Variants in PBX1 observed in about 807,000 individuals in gnomAD.
The protein encoded by PBX1 is pre-B-cell leukemia transcription factor 1.
PBX1 carries 6 observed loss-of-function variants against 53.4 expected under a neutral mutation model. That is an observed-to-expected ratio of 0.11 (90% CI 0.06 to 0.22). The LOEUF (loss-of-function observed/expected upper bound fraction) is 0.22, where lower values mean the gene tolerates loss of function less well. Among genes scored for constraint, PBX1 ranks in the 10% least tolerant of loss-of-function variants. The pLI is 1.00. For missense variants in PBX1, 251 were observed against 551.4 expected (o/e 0.46, Z 5.46); for synonymous variants, 204 against 212.3 (o/e 0.96, Z 0.34).
intron 2 of PBX1, among the ~76,000 whole-genome samples, chr1:164,689,708 G>A (rs1479128448): frequency 6.6e-6 from 1 of 152,280 alleles, no homozygotes; most frequent in South Asian, 2.1e-4. Context: ...GATGGCCAAC[G>A]ATCTGCTGAC....
intron 2 of PBX1, among the ~76,000 whole-genome samples, chr1:164,650,737 T>C (rs532809029): frequency 2.4e-4 from 37 of 152,208 alleles, no homozygotes; most frequent in African/African-American, 8.7e-4. Context: ...TTGCACAGTG[T>C]GGATGTAGCT....
At chr1:164,873,869 GC>G (rs1397329219) in intron 2 of PBX1, among the ~76,000 whole-genome samples, 3 of 151,964 alleles carry the variant, frequency 2.0e-5, no homozygotes, top group African/African-American at 4.8e-5. Flanking sequence ...TTATACATAA[GC>G]CTTACAATAA....
At chr1:164,860,243 T>G (rs998940607) in intron 2 of PBX1, among the ~76,000 whole-genome samples, 9 of 152,200 alleles carry the variant, frequency 5.9e-5, no homozygotes, top group African/African-American at 2.2e-4. Context: ...TTCCAAACAA[T>G]TCAATCAATA....
rs534826682 is a variant in PBX1, at chr1:164,863,772, CAG to C, written n.257+32296_257+32297del. ...CGGATACCAGTACCTGAATACAGAT[CAG>C]AGAGAGCAAGGAATGGTCCCCAAGG... On this transcript the variant is annotated intron_variant and non_coding_transcript_variant, in intron 2 of 2. Coordinates refer to the PBX1 transcript ENST00000558796. Among the ~76,000 whole-genome samples, 25 of 152,160 alleles carry C rather than the reference CAG, an allele frequency of 1.6e-4. No individual in the cohort carries two copies. In the East Asian group the frequency reaches 2.7e-3, roughly 17 times the overall value.
At chr1:164,659,573 G>A (rs958001636) in intron 2 of PBX1, among the ~76,000 whole-genome samples, 9 of 152,228 alleles carry the variant, frequency 5.9e-5, no homozygotes, top group African/African-American at 1.9e-4. Context: ...AGCAGCAGGT[G>A]AGTTTGGGAA....
At position 164,773,332 on chromosome 1, in the gene PBX1, T is replaced by C. The variant is rs1008426418; in HGVS notation, c.266-19162T>C. Among the ~76,000 whole-genome samples the C allele has an allele frequency of 2.2e-4, 34 of 151,770 alleles. 1 individual carries two copies. Among genetic ancestry groups the C allele is most frequent in the Non-Finnish European group, 1.5e-5 (1 of 68,000 alleles). ...ACTGTCAGATCGTAACCTGATAGAC[T>C]GAATTGAGTGACCCACTCACACTCA... On this transcript the variant is annotated intron_variant, in intron 2 of 8. Transcript: ENST00000420696.
In PBX1 at chr1:164,747,936, A is replaced by G. The variant is rs550702017; in HGVS notation, c.266-44558A>G. 6.6e-5 allele frequency among the ~76,000 whole-genome samples: 10 copies of G among 152,266 alleles called. No individual in the cohort carries two copies. In the South Asian group the frequency reaches 2.1e-3, roughly 32 times the overall value. On this transcript the variant is annotated intron_variant, in intron 2 of 8. Transcript: ENST00000420696. ...ACATTTTTTAATCCACCTCCCAATT[A>G]TACACAAATCATGAGTATGCATCAT...
intron 2 of PBX1, among the ~76,000 whole-genome samples, chr1:164,581,353 G>A (rs746784166): frequency 6.6e-6 from 1 of 151,204 alleles, no homozygotes; most frequent in East Asian, 2.0e-4. Context: ...TCAGCCTCCC[G>A]AGTAGCTGGG....
intron 8 of PBX1, among the ~76,000 whole-genome samples, chr1:164,827,449 C>A (rs192556599): frequency 3.3e-4 from 50 of 152,214 alleles, no homozygotes; most frequent in Admixed American, 1.8e-3. Context: ...GTAAAGGTAC[C>A]AAGGAAAATC....
chr1:164,838,883 C>T (rs1228356440), intron 8 of PBX1, among the ~76,000 whole-genome samples: 3 of 152,170 alleles, frequency 2.0e-5, no homozygotes, highest in African/African-American at 7.2e-5. Flanking sequence ...CTTAATTGAG[C>T]AGCTGCTGTG....
At chr1:164,844,394 C>CT (rs1199478124) in intron 8 of PBX1, among the ~76,000 whole-genome samples, 3 of 151,982 alleles carry the variant, frequency 2.0e-5, no homozygotes, top group African/African-American at 7.2e-5. Flanking sequence ...ACCTACCTAT[C>CT]TATCTACCTG....
chr1:164,602,921 C>T (rs207460549), intron 2 of PBX1, among the ~76,000 whole-genome samples: 2 of 152,154 alleles, frequency 1.3e-5, no homozygotes, highest in Non-Finnish European at 2.9e-5. Context: ...GTCCACGTCC[C>T]GTCCCGGCTG....
chr1:164,616,066 T>A (rs1657255408), intron 2 of PBX1, among the ~76,000 whole-genome samples: 1 of 152,220 alleles, frequency 6.6e-6, no homozygotes, highest in Non-Finnish European at 1.5e-5. Flanking sequence ...AATATGGTCT[T>A]GTAAACCATG....
chr1:164,845,489 A>G (rs1055059799), intron 8 of PBX1, among the ~76,000 whole-genome samples: 2 of 152,320 alleles, frequency 1.3e-5, no homozygotes, highest in East Asian at 3.9e-4. Flanking sequence ...GATCTGTTCA[A>G]CGTGAACTAC....
intron 2 of PBX1, among the ~76,000 whole-genome samples, chr1:164,725,389 A>C (rs536292527): frequency 6.6e-6 from 1 of 152,282 alleles, no homozygotes; most frequent in Admixed American, 6.5e-5. Flanking sequence ...AAACGCTAGG[A>C]GGAAGTTGTA....
intron 2 of PBX1, among the ~76,000 whole-genome samples, chr1:164,864,504 C>G (rs571222993): frequency 3.3e-5 from 5 of 152,240 alleles, no homozygotes; most frequent in African/African-American, 9.6e-5. Flanking sequence ...CATTAAATTG[C>G]AATCTGCCAC....
intron 2 of PBX1, among the ~76,000 whole-genome samples, chr1:164,792,080 C>T (rs1304744661): frequency 6.6e-6 from 1 of 152,150 alleles, no homozygotes; most frequent in African/African-American, 2.4e-5. Context: ...CCCACTCAGC[C>T]TCCCAAAGTG....
At chr1:164,871,663 C>G (rs1475973098) in intron 2 of PBX1, among the ~76,000 whole-genome samples, 2 of 152,086 alleles carry the variant, frequency 1.3e-5, no homozygotes, top group African/African-American at 4.8e-5. Context: ...TGCTGTTTTG[C>G]CAAATCTGCA....
At chr1:164,690,478 A>G (rs1328420260) in intron 2 of PBX1, among the ~76,000 whole-genome samples, 1 of 152,186 alleles carries the variant, frequency 6.6e-6, no homozygotes, top group Non-Finnish European at 1.5e-5. Context: ...TTATTTAAAA[A>G]GAATACATTG....
Sources: gnomAD v4.1 joint callset for allele counts (sites outside exome capture counted in the v4.1 genomes callset) on GRCh38, gnomAD v4.1.1 for gene constraint, MANE v1.5 for transcripts, NCBI Gene and HGNC (gene_info 2026-07-23, HGNC 2026-07-21) for gene names.